Variants in TWIST1 observed in about 807,000 individuals in gnomAD.
The protein encoded by TWIST1 is twist-related protein 1.
In TWIST1, 8 loss-of-function variants were observed where a neutral mutation model predicts 12.9. That is an observed-to-expected ratio of 0.62 (90% CI 0.37 to 1.12). The LOEUF (loss-of-function observed/expected upper bound fraction) is 1.12. TWIST1 is among the 50% of genes most tolerant of loss of function. TWIST1 has a pLI of 0.02. For missense variants in TWIST1, 268 were observed against 299.7 expected, an observed-to-expected ratio of 0.89 and a Z score of 0.78; for synonymous variants, 169 against 138.7, an observed-to-expected ratio of 1.22 and a Z score of -1.54.
downstream of TWIST1, chr7:19,113,806 G>A (rs1788514954): frequency 6.6e-6 from 1 of 151,994 alleles, no homozygotes; most frequent in African/African-American, 2.4e-5. Context: ...AGAAATAAAA[G>A]AAAGGCAAAT....
At position 19,117,219 on chromosome 7, in the gene TWIST1, C is replaced by G. The variant is rs1450640106; in HGVS notation, c.103G>C (p.Gly35Arg). ...CTGCTGCTGCGCCGCTTGCGTCCCC[C>G]GCGCTTGCCGCTCGGCGGCTGCTGC... ...DRQQPPSGKR[G>R]GRKRRSSRRS... The change falls in exon 1 of 2, where the codon GGG becomes CGG. Residue 35 changes from glycine to arginine, a missense_variant. Gly to Arg is a moderately radical substitution (Grantham distance 125). Coordinates refer to ENST00000242261, the MANE Select transcript of TWIST1 (RefSeq NM_000474.4). 2.1e-6 allele frequency: 3 copies of G among 1,400,602 alleles called. No individual in the cohort carries two copies. The highest frequency in any genetic ancestry group is 1.5e-5 in the African/African-American group (1 of 66,732). The allele number at this position is 1,400,602 out of a possible 1,614,324, so 86.8% of individuals were successfully genotyped here.
In TWIST1 at chr7:19,116,822, T is replaced by C. The variant is rs1788578527; in HGVS notation, c.500A>G (p.Glu167Gly). The C allele has an allele frequency of 2.5e-6, 4 of 1,614,018 alleles. No homozygotes were observed. The highest frequency in any genetic ancestry group is 1.3e-5 in the African/African-American group (1 of 74,914). Reference protein sequence around the residue: ...DFLYQVLQSDELDSKMASCSY... With the variant: ...DFLYQVLQSDGLDSKMASCSY... ...GCAGCTTGCCATCTTGGAGTCCAGC[T>C]CGTCGCTCTGGAGGACCTGGTAGAG... The change falls in exon 1 of 2, where the codon GAG (glutamate) becomes GGG (glycine). Residue 167 changes from glutamate (E) to glycine (G), a missense_variant. Around this residue, in one of 2 missense-constraint regions of TWIST1, gnomAD observed 79 missense variants for 127.6 expected, o/e 0.62. Transcript: ENST00000242261.
chr7:19,117,255 C>T lies in TWIST1; in HGVS notation c.67G>A (p.Glu23Lys). The T allele has an allele frequency of 6.8e-7, 1 of 1,460,396 alleles. No individual in the cohort carries two copies. Among genetic ancestry groups the T allele is most frequent in the Non-Finnish European group, 9.0e-7 (1 of 1,108,794 alleles). 90.5% of individuals were successfully genotyped at this position (1,460,396 alleles called of 1,614,324 possible). ...CTCGGCGGCTGCTGCCGGTCTGGCT[C>T]TTCCTCGCTGTTGCTCAGGCTGTCG... ...ADDSLSNSEE[E>K]PDRQQPPSGK... Residue 23 changes from glutamate (E) to lysine (K), a missense_variant, in exon 1 of 2, where the codon GAG (glutamate) becomes AAG (lysine). Glu to Lys is a moderately conservative substitution (Grantham distance 56). Transcript: ENST00000242261.
At chr7:19,114,849 C>T (rs1213170929), downstream of TWIST1, among the ~76,000 whole-genome samples, 2 of 152,172 alleles carry the variant, frequency 1.3e-5, no homozygotes, top group Non-Finnish European at 2.9e-5. Context: ...AAGAATGATG[C>T]TTCCCAAATA....
Position 19,116,569 on chromosome 7 carries a change from A to T in TWIST1, c.*42+102T>A, listed in dbSNP as rs188412313. 6.2e-5 allele frequency: 58 copies of T among 942,056 alleles called. No homozygotes were observed. The African/African-American group carries it at 7.9e-4, about 13-fold the overall frequency. 58.4% of individuals were successfully genotyped at this position (942,056 alleles called of 1,614,324 possible). On this transcript the variant is annotated intron_variant, in intron 1 of 1. Coordinates refer to ENST00000242261, the MANE Select transcript of TWIST1 (RefSeq NM_000474.4). ...AGTGAGGTGGGAAGGCTGAGCGGAG[A>T]GTGGGAGAGGGGAGGAAATCGAGGT...
chr7:19,114,750 G>C (rs533657156), downstream of TWIST1, among the ~76,000 whole-genome samples: 2 of 152,088 alleles, frequency 1.3e-5, no homozygotes, highest in Non-Finnish European at 2.9e-5. Context: ...TTCCAACTGT[G>C]ATTATATCCA....
downstream of TWIST1, chr7:19,113,667 T>C (rs191271775): frequency 6.6e-6 from 1 of 152,250 alleles, no homozygotes; most frequent in East Asian, 1.9e-4. Context: ...TTTATTTCTC[T>C]GAAAATCTGG....
rs769923744 is a variant in TWIST1 at position 19,116,707 on chromosome 7, C to T, written c.*6G>A. Reference sequence around the variant, plus strand: ...GCCCTGCTGAGGGGGTGGGGGGCTCCGCCTGCTAGTGGGACGCGGACATGG... The same window carrying T: ...GCCCTGCTGAGGGGGTGGGGGGCTCTGCCTGCTAGTGGGACGCGGACATGG... On this transcript the variant is annotated 3_prime_UTR_variant, in exon 1 of 2. Coordinates refer to ENST00000242261, the MANE Select transcript of TWIST1 (RefSeq NM_000474.4). The T allele has an allele frequency of 2.8e-5, 45 of 1,599,330 alleles. No individual in the cohort carries two copies. Among genetic ancestry groups the T allele is most frequent in the Non-Finnish European group, 3.5e-5 (41 of 1,173,710 alleles).
At chr7:19,116,368 T>A (rs1788565707) in intron 1 of TWIST1, among the ~76,000 whole-genome samples, 1 of 152,126 alleles carries the variant, frequency 6.6e-6, no homozygotes, top group African/African-American at 2.4e-5. Flanking sequence ...AAAGAAAGGG[T>A]GGCGCTGACA....
intron 1 of TWIST1, 92 bp downstream of exon 1, chr7:19,116,579 G>C: frequency 9.9e-7 from 1 of 1,008,026 alleles, no homozygotes; most frequent in Non-Finnish European, 1.4e-6. Context: ...AGTGGGAGAG[G>C]GGAGGAAATC....
rs962074385 is a variant in TWIST1, at chr7:19,117,366, G to T, written c.-45C>A. 8.5e-5 allele frequency: 118 copies of T among 1,392,136 alleles called. 1 individual carries two copies. In the East Asian group the frequency reaches 3.9e-3, roughly 46 times the overall value. The allele number at this position is 1,392,136 out of a possible 1,614,324, so 86.2% of individuals were successfully genotyped here. On this transcript the variant is annotated 5_prime_UTR_variant, in exon 1 of 2. Transcript: ENST00000242261. ...GGCCTCGCGGGCCCGGGGCAGAGGAGAAGAGCGGGGCGCCTCAGCCCGCCA... is the reference window on the plus strand; with the variant it reads ...GGCCTCGCGGGCCCGGGGCAGAGGATAAGAGCGGGGCGCCTCAGCCCGCCA...
chr7:19,116,371 C>T (rs1788565749), intron 1 of TWIST1, among the ~76,000 whole-genome samples: 1 of 152,198 alleles, frequency 6.6e-6, no homozygotes, highest in Non-Finnish European at 1.5e-5. Context: ...GAAAGGGTGG[C>T]GCTGACAAAA....
chr7:19,114,833 T>TA (rs1002148856), downstream of TWIST1, among the ~76,000 whole-genome samples: 11 of 152,110 alleles, frequency 7.2e-5, no homozygotes, highest in Non-Finnish European at 1.6e-4. Flanking sequence ...TCTTTACACA[T>TA]AAAAAAAGAA....
chr7:19,114,765 C>A (rs1788533387), downstream of TWIST1, among the ~76,000 whole-genome samples: 1 of 152,090 alleles, frequency 6.6e-6, no homozygotes, highest in Non-Finnish European at 1.5e-5. Context: ...TATCCAGTTA[C>A]CAAGGATACT....
At chr7:19,116,439 G>A (rs987819993) in intron 1 of TWIST1, among the ~76,000 whole-genome samples, 1 of 152,172 alleles carries the variant, frequency 6.6e-6, no homozygotes, top group African/African-American at 2.4e-5. Context: ...GCACACTCAC[G>A]CGCACACACA....
chr7:19,117,013 G>A lies in TWIST1; in HGVS notation c.309C>T (p.Tyr103=), dbSNP rs104894054. The A allele has an allele frequency of 2.5e-6, 4 of 1,582,274 alleles. No homozygotes were observed. Among genetic ancestry groups the A allele is most frequent in the African/African-American group, 1.4e-5 (1 of 73,140 alleles). ...SSSGGGSPQS[Y]EELQTQRVMA... is the part of the protein sequence containing the mutation. ...TGACCCGCTGCGTCTGCAGCTCCTCGTAAGACTGCGGACTCCCGCCGCCGC... is the reference window on the plus strand; with the variant it reads ...TGACCCGCTGCGTCTGCAGCTCCTCATAAGACTGCGGACTCCCGCCGCCGC... The change falls in exon 1 of 2, where the codon TAC becomes TAT. Residue 103 remains tyrosine (Y), a synonymous_variant. Transcript: ENST00000242261.
intron 1 of TWIST1, among the ~76,000 whole-genome samples, chr7:19,116,336 G>A (rs1216198067): frequency 6.6e-6 from 1 of 152,212 alleles, no homozygotes; most frequent in Non-Finnish European, 1.5e-5. Flanking sequence ...TTTGTTTTAA[G>A]GAGAACAAAA....
rs111902598 is a variant in TWIST1 at position 19,115,852 on chromosome 7, T to C, written c.*322A>G. On this transcript the variant is annotated 3_prime_UTR_variant, in exon 2 of 2. Coordinates refer to ENST00000242261, the MANE Select transcript of TWIST1 (RefSeq NM_000474.4). ...CATGAAAAAAATAAAAATAAAAACA[T>C]TCTTCGTCAAAAAAAAAAAAAAAAA... is the stretch of plus-strand genomic sequence containing the variant. 1 of 129,322 alleles carries C rather than the reference T, an allele frequency of 7.7e-6. No homozygotes were observed. Among genetic ancestry groups the C allele is most frequent in the African/African-American group, 3.2e-5 (1 of 31,120 alleles). The allele number at this position is 129,322 out of a possible 1,614,324, so 8.0% of individuals were successfully genotyped here.
At chr7:19,113,454 CA>C, downstream of TWIST1, 2 of 152,222 alleles carry the variant, frequency 1.3e-5, no homozygotes, top group Admixed American at 1.3e-4. Context: ...AATGAAATAA[CA>C]TAAAATCAAA....
Sources: allele counts gnomAD v4.1 joint callset (sites outside exome capture counted in the v4.1 genomes callset), GRCh38; gene constraint gnomAD v4.1.1; regional missense constraint gnomAD v4.1.1; transcripts MANE v1.5; gene names NCBI Gene and HGNC (gene_info 2026-07-23, HGNC 2026-07-21).